The following MAGI2 variants were observed in gnomAD, a reference collection of about 807,000 sequenced individuals.
The protein encoded by MAGI2 is membrane-associated guanylate kinase, WW and PDZ domain-containing protein 2.
A neutral mutation model predicts 133.3 loss-of-function variants in MAGI2; 35 were observed. The observed-to-expected ratio is 0.26, with a 90% CI of 0.20 to 0.35. MAGI2 has a LOEUF of 0.35. MAGI2 is among the 10% of genes least tolerant of loss of function. The pLI is 1.00. For synonymous variants in MAGI2, 729 were observed against 710.6 expected (o/e 1.03, Z -0.41); for missense variants, 1,636 against 1,863.4 (o/e 0.88, Z 2.25).
intron 1 of MAGI2, among the ~76,000 whole-genome samples, chr7:79,441,965 A>C (rs1470367145): frequency 6.6e-6 from 1 of 152,174 alleles, no homozygotes; most frequent in Non-Finnish European, 1.5e-5. Flanking sequence ...CCAGTTCATG[A>C]ATAAGTATGT....
chr7:78,647,572 T>G (rs1030089783), intron 2 of MAGI2, among the ~76,000 whole-genome samples: 3 of 152,186 alleles, frequency 2.0e-5, no homozygotes, highest in African/African-American at 7.2e-5. Context: ...TCAACCATCA[T>G]GGAAGACAGT....
chr7:78,950,144 T>G (rs1206329788), intron 2 of MAGI2, among the ~76,000 whole-genome samples: 3 of 152,156 alleles, frequency 2.0e-5, no homozygotes, highest in Non-Finnish European at 4.4e-5. Context: ...AGGCTGATGA[T>G]TCTCCTGGTC....
In MAGI2 at chr7:78,168,094, A is replaced by G. The variant is rs2150643162; in HGVS notation, c.2418T>C (p.Ala806=). 2 of 1,613,828 alleles carry G rather than the reference A, an allele frequency of 1.2e-6. No individual in the cohort carries two copies. Among genetic ancestry groups the G allele is most frequent in the Non-Finnish European group, 1.7e-6 (2 of 1,179,900 alleles). ...TGTCGGCTGAGCCCATGGCAATGACAGCTCCAATCAAAATCTAGAGAAGCA... is the reference window on the plus strand; with the variant it reads ...TGTCGGCTGAGCCCATGGCAATGACGGCTCCAATCAAAATCTAGAGAAGCA... ...DEPGQPILIG[A]VIAMGSADRD... Residue 806 remains alanine, a synonymous_variant, in exon 15 of 22, where the codon GCT becomes GCC. Transcript: ENST00000354212.
intron 1 of MAGI2, among the ~76,000 whole-genome samples, chr7:79,165,210 G>T (rs1824799970): frequency 6.7e-6 from 1 of 150,196 alleles, no homozygotes; most frequent in Non-Finnish European, 1.5e-5. Flanking sequence ...GTGCATTTAA[G>T]CTTAACTGAT....
At chr7:78,936,858 G>A (rs962452262) in intron 2 of MAGI2, among the ~76,000 whole-genome samples, 1 of 151,946 alleles carries the variant, frequency 6.6e-6, no homozygotes, top group Admixed American at 6.6e-5. Flanking sequence ...TTTTTAATAT[G>A]CTTATAAATG....
intron 13 of MAGI2, among the ~76,000 whole-genome samples, chr7:78,183,559 C>T (rs545389664): frequency 4.6e-5 from 7 of 151,982 alleles, no homozygotes; most frequent in East Asian, 3.9e-4. Context: ...CCACCGCAAT[C>T]GGCCATTTTT....
chr7:78,477,160 T>G (rs930579248), intron 6 of MAGI2, among the ~76,000 whole-genome samples: 1 of 151,962 alleles, frequency 6.6e-6, no homozygotes, highest in Admixed American at 6.6e-5. Flanking sequence ...CTATTTTGCT[T>G]TCTGCATTGT....
intron 6 of MAGI2, among the ~76,000 whole-genome samples, chr7:78,403,463 T>A (rs971732574): frequency 6.6e-6 from 1 of 152,190 alleles, no homozygotes; most frequent in Non-Finnish European, 1.5e-5. Flanking sequence ...TAAACATACG[T>A]GTGCATGTGT....
intron 20 of MAGI2, among the ~76,000 whole-genome samples, chr7:78,102,942 T>C (rs1163200983): frequency 2.0e-5 from 3 of 152,222 alleles, no homozygotes; most frequent in South Asian, 2.1e-4. Context: ...TCTGGAGTCC[T>C]GAGGATTATC....
intron 9 of MAGI2, among the ~76,000 whole-genome samples, chr7:78,307,759 A>C (rs1185367244): frequency 3.3e-5 from 5 of 152,198 alleles, no homozygotes; most frequent in South Asian, 2.1e-4. Flanking sequence ...AGTGCTGAGT[A>C]TGTGGGAATT....
At chr7:79,293,149 T>C (rs901749674) in intron 1 of MAGI2, among the ~76,000 whole-genome samples, 2 of 152,220 alleles carry the variant, frequency 1.3e-5, no homozygotes, top group Admixed American at 6.5e-5. Flanking sequence ...ATCAGACCCT[T>C]TGTTTTCTAT....
At chr7:79,387,373 A>T (rs1303688072) in intron 1 of MAGI2, among the ~76,000 whole-genome samples, 1 of 152,086 alleles carries the variant, frequency 6.6e-6, no homozygotes, top group Admixed American at 6.6e-5. Flanking sequence ...TAGACGTTCA[A>T]CTTTTAACCT....
chr7:79,331,395 G>A (rs1244022673), intron 1 of MAGI2, among the ~76,000 whole-genome samples: 1 of 152,090 alleles, frequency 6.6e-6, no homozygotes, highest in Non-Finnish European at 1.5e-5. Context: ...GAATTGAAAT[G>A]TCAATAAAAA....
chr7:78,756,837 C>T (rs956954077), intron 2 of MAGI2, among the ~76,000 whole-genome samples: 4 of 152,014 alleles, frequency 2.6e-5, no homozygotes, highest in African/African-American at 9.7e-5. Flanking sequence ...TATTTTTTTG[C>T]TCCTCTTGCT....
intron 2 of MAGI2, among the ~76,000 whole-genome samples, chr7:78,790,941 T>C (rs1190997651): frequency 1.3e-5 from 2 of 152,210 alleles, no homozygotes; most frequent in Non-Finnish European, 1.5e-5. Flanking sequence ...GTATCTGAGC[T>C]TGGATTTAAT....
At chr7:78,336,256 T>C (rs1023555088) in intron 9 of MAGI2, among the ~76,000 whole-genome samples, 1 of 152,172 alleles carries the variant, frequency 6.6e-6, no homozygotes, top group Non-Finnish European at 1.5e-5. Context: ...TCTAGAAACC[T>C]GGAATCAGTA....
At chr7:79,002,832 A>T (rs1417469807) in intron 2 of MAGI2, among the ~76,000 whole-genome samples, 1 of 145,740 alleles carries the variant, frequency 6.9e-6, no homozygotes, top group African/African-American at 2.6e-5. Context: ...ATCTCCTTCT[A>T]TTCTAAGGGA....
intron 1 of MAGI2, among the ~76,000 whole-genome samples, chr7:79,036,668 T>C (rs1562816073): frequency 6.6e-6 from 1 of 151,958 alleles, no homozygotes; most frequent in Non-Finnish European, 1.5e-5. Context: ...GGGATTTTTT[T>C]TTCCCCCGAG....
At chr7:78,900,209 C>G (rs1000925573) in intron 2 of MAGI2, among the ~76,000 whole-genome samples, 2 of 152,188 alleles carry the variant, frequency 1.3e-5, no homozygotes, top group Non-Finnish European at 2.9e-5. Flanking sequence ...CTAGTGCTTC[C>G]TGTTTGGACT....
Sources: allele counts gnomAD v4.1 joint callset (sites outside exome capture counted in the v4.1 genomes callset), GRCh38; gene constraint gnomAD v4.1.1; transcripts MANE v1.5; gene names NCBI Gene and HGNC (gene_info 2026-07-23, HGNC 2026-07-21).